SYNPO2: variants seen among roughly 807,000 people sequenced by gnomAD.
SYNPO2 encodes synaptopodin-2.
SYNPO2 carries 56 observed loss-of-function variants against 85.0 expected under a neutral mutation model. The ratio of observed to expected loss-of-function variants is 0.66; its 90% CI spans 0.53 to 0.82. The LOEUF (loss-of-function observed/expected upper bound fraction) is 0.82, where lower values mean the gene tolerates loss of function less well. Ranked by LOEUF, SYNPO2 falls within the 40% of genes least tolerant of loss-of-function variation. SYNPO2 has a pLI of 0.00. For missense variants in SYNPO2, 1,575 were observed against 1,534.2 expected (o/e 1.03, Z -0.44); for synonymous variants, 602 against 591.1 (o/e 1.02, Z -0.27).
At chr4:119,004,420 C>T (rs1177127211) in intron 1 of SYNPO2, among the ~76,000 whole-genome samples, 1 of 146,716 alleles carries the variant, frequency 6.8e-6, no homozygotes, top group East Asian at 2.0e-4. Context: ...TGTTCCCCTT[C>T]CTGTGTCCAT....
Position 118,988,312 on chromosome 4 carries a change from G to GT in SYNPO2, c.106-35106dup, listed in dbSNP as rs373738381. The stretch of plus-strand genomic sequence containing the variant: ...TTTTTATGAAAACCAATAATTTAGT[G>GT]TTTTTTTTTTTTCCTGGGGATGGGA... On this transcript the variant is annotated intron_variant, in intron 1 of 4. Coordinates refer to ENST00000307142, the MANE Select transcript of SYNPO2 (RefSeq NM_133477.3). 6.3e-3 allele frequency among the ~76,000 whole-genome samples: 902 copies of GT among 143,536 alleles called. 3 individuals are homozygous for GT. Among genetic ancestry groups the GT allele is most frequent in the East Asian group, 0.013 (65 of 4,968 alleles). 94.2% of individuals were successfully genotyped at this position (143,536 alleles called of 152,430 possible). A position where few individuals can be genotyped will look rare whatever the true frequency, so the allele number is the denominator to read the frequency against.
At chr4:118,890,678 C>A (rs556653633) in intron 1 of SYNPO2, among the ~76,000 whole-genome samples, 1 of 120,616 alleles carries the variant, frequency 8.3e-6, no homozygotes. Flanking sequence ...AAATCTCTCA[C>A]CCTTCCTGTC....
At position 119,048,815 on chromosome 4, in the gene SYNPO2, C is replaced by A. The variant is rs545315172; in HGVS notation, c.3253-8586C>A. ...AGATGAAGTCAGATAATGCAAGGAG[C>A]TAGTTGGCAGATTTTGTGGGGTCTT... is the stretch of plus-strand genomic sequence containing the variant. On this transcript the variant is annotated intron_variant, in intron 4 of 4. Coordinates refer to ENST00000307142, the MANE Select transcript of SYNPO2 (RefSeq NM_133477.3). Among the ~76,000 whole-genome samples, 22 of 152,236 alleles carry A rather than the reference C, an allele frequency of 1.4e-4. 1 individual carries two copies. Among genetic ancestry groups the A allele is most frequent in the Middle Eastern group, 6.8e-3 (2 of 294 alleles).
At chr4:118,879,728 A>C (rs997024941) in intron 1 of SYNPO2, among the ~76,000 whole-genome samples, 1 of 152,202 alleles carries the variant, frequency 6.6e-6, no homozygotes, top group Non-Finnish European at 1.5e-5. Context: ...GCAGCTGGTC[A>C]TCAATCATTT....
chr4:118,916,568 G>A (rs1011494194), intron 1 of SYNPO2, among the ~76,000 whole-genome samples: 1 of 151,642 alleles, frequency 6.6e-6, no homozygotes, highest in African/African-American at 2.4e-5. Context: ...CTTACTATTA[G>A]ATCTTGAGTT....
chr4:118,972,332 T>C (rs1735570232), intron 1 of SYNPO2, among the ~76,000 whole-genome samples: 2 of 152,042 alleles, frequency 1.3e-5, no homozygotes, highest in African/African-American at 4.8e-5. Context: ...TAGTCCCAGC[T>C]ACTTAGGAAG....
At chr4:118,900,703 C>CTCTCTCTCTCTA (rs1277981772) in intron 1 of SYNPO2, among the ~76,000 whole-genome samples, 45 of 43,886 alleles carry the variant, frequency 1.0e-3, no homozygotes, top group East Asian at 1.5e-3. Context: ...CTCTCTCTCT[C>CTCTCTCTCTCTA]TATATATATA....
At chr4:118,990,081 G>A (rs971086739) in intron 1 of SYNPO2, among the ~76,000 whole-genome samples, 1 of 152,182 alleles carries the variant, frequency 6.6e-6, no homozygotes, top group Non-Finnish European at 1.5e-5. Context: ...ACGGAAATGG[G>A]GCTGGCTTTG....
intron 1 of SYNPO2, among the ~76,000 whole-genome samples, chr4:118,955,100 A>G (rs559957295): frequency 1.7e-4 from 26 of 151,140 alleles, no homozygotes; most frequent in African/African-American, 6.1e-4. Flanking sequence ...CCCGGGTTCA[A>G]GTGATTCTCC....
chr4:118,995,668 C>T (rs1356332121), intron 1 of SYNPO2, among the ~76,000 whole-genome samples: 1 of 152,070 alleles, frequency 6.6e-6, no homozygotes, highest in African/African-American at 2.4e-5. Context: ...CTAGATTACC[C>T]AGGTTTAAAT....
In SYNPO2 at chr4:119,029,941, C is replaced by T. The variant is rs778517193; in HGVS notation, c.1166C>T (p.Pro389Leu). The T allele has an allele frequency of 1.4e-5, 23 of 1,613,828 alleles. No homozygotes were observed. The South Asian group carries it at 2.0e-4, about 14-fold the overall frequency. Residue 389 changes from proline to leucine, a missense_variant, in exon 4 of 5, where the codon CCC becomes CTC. Pro to Leu is a moderately conservative substitution (Grantham distance 98). This residue lies in a region of SYNPO2 where 1,508 missense variants were observed against 1,446.8 expected (regional missense o/e 1.04). Coordinates refer to ENST00000307142, the MANE Select transcript of SYNPO2 (RefSeq NM_133477.3). ...CTTCTTCTAACGGATGCTCCCAACC[C>T]CAACTCCAAGGGGGTGTTGATGTTT... Reference protein sequence around the residue: ...IALLLTDAPNPNSKGVLMFKK... With the variant: ...IALLLTDAPNLNSKGVLMFKK...
At chr4:119,054,154 C>G (rs1407266253) in intron 4 of SYNPO2, among the ~76,000 whole-genome samples, 4 of 152,234 alleles carry the variant, frequency 2.6e-5, no homozygotes, top group Admixed American at 2.6e-4. Flanking sequence ...GCTGGCCACT[C>G]CGGGCGCCAG....
chr4:119,019,041 C>G (rs562460474), intron 1 of SYNPO2, among the ~76,000 whole-genome samples: 1 of 152,016 alleles, frequency 6.6e-6, no homozygotes, highest in Non-Finnish European at 1.5e-5. Flanking sequence ...AAGGAAACAA[C>G]AGATACAGGA....
chr4:118,954,872 G>A (rs1191432994), intron 1 of SYNPO2, among the ~76,000 whole-genome samples: 1 of 151,884 alleles, frequency 6.6e-6, no homozygotes, highest in Non-Finnish European at 1.5e-5. Context: ...ATATGAGGGA[G>A]GTATAATATG....
chr4:119,032,222 C>T, intron 4 of SYNPO2, 195 bp downstream of exon 4: 1 of 1,433,918 alleles, frequency 7.0e-7, no homozygotes, highest in Non-Finnish European at 9.1e-7. Flanking sequence ...GTCAAAAATC[C>T]AACTCAGATT....
intron 4 of SYNPO2, chr4:119,032,522 T>C: frequency 9.9e-7 from 1 of 1,007,242 alleles, no homozygotes; most frequent in Non-Finnish European, 1.2e-6. Flanking sequence ...ATAAGGAATC[T>C]ATGAAGGACA....
intron 1 of SYNPO2, among the ~76,000 whole-genome samples, chr4:118,979,580 C>T (rs570775410): frequency 6.6e-6 from 1 of 152,272 alleles, no homozygotes; most frequent in African/African-American, 2.4e-5. Flanking sequence ...CTTTGTATTT[C>T]CGTACTGTTT....
chr4:118,963,235 C>T (rs1480576125), intron 1 of SYNPO2, among the ~76,000 whole-genome samples: 1 of 152,166 alleles, frequency 6.6e-6, no homozygotes. Flanking sequence ...AGTATACAGA[C>T]CAGTAGTCTC....
chr4:118,864,355 G>A (rs1006684089), intron 1 of SYNPO2, among the ~76,000 whole-genome samples: 3 of 152,104 alleles, frequency 2.0e-5, no homozygotes, highest in Admixed American at 6.5e-5. Flanking sequence ...TTTTATAACC[G>A]AACATATGGT....
Sources: allele counts gnomAD v4.1 joint callset (sites outside exome capture counted in the v4.1 genomes callset), GRCh38; gene constraint gnomAD v4.1.1; regional missense constraint gnomAD v4.1.1; transcripts MANE v1.5; gene names NCBI Gene and HGNC (gene_info 2026-07-23, HGNC 2026-07-21).